The following LRBA variants were observed in gnomAD, a reference collection of about 807,000 sequenced individuals.
The protein encoded by LRBA is LPS responsive beige-like anchor protein, also known as lipopolysaccharide-responsive and beige-like anchor protein.
A neutral mutation model predicts 330.0 loss-of-function variants in LRBA; 176 were observed. The observed-to-expected ratio is 0.53, with a 90% confidence interval of 0.47 to 0.60. The LOEUF is 0.60. Ranked by LOEUF, LRBA falls within the 20% of genes least tolerant of loss-of-function variation. LRBA has a pLI of 0.00. For synonymous variants in LRBA, 1,230 were observed against 1,193.0 expected (o/e 1.03, Z -0.64); for missense variants, 3,259 against 3,444.8 (o/e 0.95, Z 1.35).
At chr4:150,841,153 A>G (rs1749016612) in intron 28 of LRBA, 2 of 213,668 alleles carry the variant, frequency 9.4e-6, no homozygotes, top group Non-Finnish European at 2.0e-5. Context: ...CCATGTTATA[A>G]TAACTGCTGC....
chr4:150,419,676 C>T (rs13121654), intron 46 of LRBA, among the ~76,000 whole-genome samples: 57,789 of 132,296 alleles, frequency 0.44, 12,377 homozygotes, highest in Middle Eastern at 0.58. Flanking sequence ...CTTACTATGT[C>T]ACCCAGGCTG....
chr4:150,622,023 A>G (rs891932663), intron 37 of LRBA, among the ~76,000 whole-genome samples: 9 of 152,232 alleles, frequency 5.9e-5, no homozygotes, highest in Admixed American at 5.2e-4. Context: ...GGGTAAATTA[A>G]ACTTTTGTAA....
At chr4:150,895,083 G>GT (rs2127108049) in intron 16 of LRBA, among the ~76,000 whole-genome samples, 2 of 151,632 alleles carry the variant, frequency 1.3e-5, no homozygotes, top group South Asian at 4.2e-4. Flanking sequence ...AATTCACAAG[G>GT]TATTAATTAT....
chr4:150,275,977 C>A (rs1486190953), intron 56 of LRBA, among the ~76,000 whole-genome samples: 1 of 152,154 alleles, frequency 6.6e-6, no homozygotes, highest in Non-Finnish European at 1.5e-5. Flanking sequence ...ATAGCCAAGA[C>A]AATCCTAAGC....
intron 49 of LRBA, among the ~76,000 whole-genome samples, chr4:150,325,434 T>C (rs1051295493): frequency 1.3e-5 from 2 of 152,160 alleles, no homozygotes; most frequent in Admixed American, 6.6e-5. Context: ...CTGAAAAATA[T>C]ATTGGGATGT....
At position 150,420,455 on chromosome 4, in the gene LRBA, T is replaced by C. The variant is rs1294206463; in HGVS notation, c.7042-4865A>G. Among the ~76,000 whole-genome samples the C allele has an allele frequency of 2.9e-5, 3 of 102,438 alleles. 1 individual carries two copies. The Admixed American group carries it at 3.5e-4, about 12-fold the overall frequency. The allele number at this position is 102,438 out of a possible 152,430, so 67.2% of individuals were successfully genotyped here. On this transcript the variant is annotated intron_variant, in intron 46 of 56. Transcript: ENST00000651943. ...GTATATATAATACATATATAATATA[T>C]AAAGTATATATAATACACATTATAA...
intron 54 of LRBA, among the ~76,000 whole-genome samples, chr4:150,284,170 T>A (rs1419424739): frequency 1.3e-5 from 2 of 152,164 alleles, no homozygotes; most frequent in East Asian, 3.8e-4. Flanking sequence ...AAGGAACTTA[T>A]CAGTGTAAGT....
chr4:150,547,738 G>A (rs1028861885), intron 40 of LRBA, among the ~76,000 whole-genome samples: 3 of 152,092 alleles, frequency 2.0e-5, no homozygotes, highest in Admixed American at 2.0e-4. Flanking sequence ...AAGGTATTGT[G>A]AAACAAAATC....
At chr4:150,939,286 G>A (rs1735421976) in intron 2 of LRBA, among the ~76,000 whole-genome samples, 2 of 152,166 alleles carry the variant, frequency 1.3e-5, no homozygotes, top group South Asian at 4.1e-4. Context: ...GAGGTCATTA[G>A]GGTGGGTCTT....
At chr4:150,925,512 T>C (rs1370490699) in intron 4 of LRBA, among the ~76,000 whole-genome samples, 1 of 152,198 alleles carries the variant, frequency 6.6e-6, no homozygotes, top group East Asian at 1.9e-4. Flanking sequence ...GCTCCACTGG[T>C]GTTCATTCTA....
chr4:150,718,999 A>G (rs1369238184), intron 36 of LRBA, among the ~76,000 whole-genome samples: 2 of 152,096 alleles, frequency 1.3e-5, no homozygotes, highest in African/African-American at 2.4e-5. Context: ...TAATATCAGT[A>G]CTATCTCAGA....
At chr4:150,931,792 T>A (rs1401683756) in intron 2 of LRBA, among the ~76,000 whole-genome samples, 1 of 151,650 alleles carries the variant, frequency 6.6e-6, no homozygotes, top group African/African-American at 2.4e-5. Context: ...ATAGCTATAT[T>A]CAAATATCTG....
intron 55 of LRBA, among the ~76,000 whole-genome samples, chr4:150,280,759 C>T (rs2126756842): frequency 6.6e-6 from 1 of 152,314 alleles, no homozygotes; most frequent in South Asian, 2.1e-4. Flanking sequence ...AGATTCTGCC[C>T]TGTGGTGTCT....
chr4:150,939,780 G>A (rs1451675916), intron 2 of LRBA, among the ~76,000 whole-genome samples: 3 of 152,158 alleles, frequency 2.0e-5, no homozygotes, highest in African/African-American at 4.8e-5. Context: ...TTTGCGGAAT[G>A]GATACACACA....
chr4:150,935,748 A>G (rs1242442109), intron 2 of LRBA, among the ~76,000 whole-genome samples: 1 of 151,978 alleles, frequency 6.6e-6, no homozygotes, highest in African/African-American at 2.4e-5. Context: ...AAAATAATCT[A>G]ATTAAAATAA....
At chr4:150,541,849 A>T (rs1047385809) in intron 40 of LRBA, among the ~76,000 whole-genome samples, 3 of 152,014 alleles carry the variant, frequency 2.0e-5, no homozygotes, top group Admixed American at 6.6e-5. Context: ...TGGCTAATTT[A>T]AAAAAAATTT....
At chr4:150,436,059 TATTTA>T (rs894619999) in intron 45 of LRBA, among the ~76,000 whole-genome samples, 30 of 152,302 alleles carry the variant, frequency 2.0e-4, no homozygotes, top group African/African-American at 6.7e-4. Flanking sequence ...TATGGCTCAA[TATTTA>T]ATTTATGATT....
chr4:150,894,418 A>G lies in LRBA; in HGVS notation c.2068-1269T>C, dbSNP rs138337492. ...CTAATATGTGGTAGTATTTGATAAC[A>G]TTTACAGAATACCAGCACAAGAAAC... On this transcript the variant is annotated intron_variant, in intron 16 of 56. Transcript: ENST00000651943. Among the ~76,000 whole-genome samples the G allele has an allele frequency of 2.5e-3, 385 of 152,352 alleles. 1 individual carries two copies. The highest frequency in any genetic ancestry group is 4.5e-3 in the Non-Finnish European group (306 of 68,036).
chr4:150,689,944 A>G (rs1471737096), intron 36 of LRBA, among the ~76,000 whole-genome samples: 1 of 152,020 alleles, frequency 6.6e-6, no homozygotes, highest in African/African-American at 2.4e-5. Context: ...TGAAAAAAAA[A>G]TTTACAACAG....
Sources: gnomAD v4.1 joint callset for allele counts (sites outside exome capture counted in the v4.1 genomes callset) on GRCh38, gnomAD v4.1.1 for gene constraint, MANE v1.5 for transcripts, NCBI Gene and HGNC (gene_info 2026-07-23, HGNC 2026-07-21) for gene names.